Variants in CACNA1B observed in about 807,000 individuals in gnomAD.
CACNA1B encodes voltage-dependent N-type calcium channel subunit alpha-1B.
Under a neutral mutation model 247.2 loss-of-function variants are expected in CACNA1B, and 70 were observed. That is an observed-to-expected ratio of 0.28 (90% CI 0.23 to 0.35). The LOEUF is 0.35. CACNA1B is among the 10% of genes least tolerant of loss of function. The probability of loss-of-function intolerance (pLI) is 1.00; values close to 1 mark genes in which losing one functional copy is unlikely to be tolerated. For synonymous variants in CACNA1B, 1,231 were observed against 1,294.4 expected (o/e 0.95, Z 1.05); for missense variants, 2,367 against 3,197.4 (o/e 0.74, Z 6.26).
chr9:137,935,536 C>T (rs888759868), intron 6 of CACNA1B, among the ~76,000 whole-genome samples: 23 of 152,292 alleles, frequency 1.5e-4, no homozygotes, highest in African/African-American at 5.3e-4. Context: ...TTAGTCTTTG[C>T]TATTGTGAAT....
At position 138,064,885 on chromosome 9, in the gene CACNA1B, G is replaced by A. The variant is rs748621296; in HGVS notation, c.4669-4873G>A. Among the ~76,000 whole-genome samples the A allele has an allele frequency of 3.9e-5, 6 of 152,254 alleles. No homozygotes were observed. The East Asian group carries it at 1.2e-3, about 29-fold the overall frequency. ...AAGAGAACCACCAGTGGCCTTGTGC[G>A]TGATGCCAGTGCCCTCCTCCCAAAA... On this transcript the variant is annotated intron_variant, in intron 31 of 46. Coordinates refer to ENST00000371372, the MANE Select transcript of CACNA1B (RefSeq NM_000718.4).
At chr9:138,093,841 T>C (rs1190445119) in intron 36 of CACNA1B, among the ~76,000 whole-genome samples, 1 of 152,172 alleles carries the variant, frequency 6.6e-6, no homozygotes, top group Non-Finnish European at 1.5e-5. Flanking sequence ...TGTAAAATGG[T>C]GGTGTGGAAA....
At chr9:138,096,743 T>G in intron 37 of CACNA1B, 132 bp downstream of exon 37, 1 of 778,162 alleles carries the variant, frequency 1.3e-6, no homozygotes. Flanking sequence ...TAGGGATCTG[T>G]CCTGTTTCGT....
chr9:137,977,701 G>C (rs1473198565), intron 12 of CACNA1B, among the ~76,000 whole-genome samples: 1 of 152,148 alleles, frequency 6.6e-6, no homozygotes, highest in Admixed American at 6.5e-5. Flanking sequence ...GGGAATGATG[G>C]GTGGGCACGC....
In CACNA1B at chr9:137,990,267, C is replaced by T. The variant is rs1958416853; in HGVS notation, c.1974+3413C>T. 6.6e-6 allele frequency among the ~76,000 whole-genome samples: 1 copy of T among 152,000 alleles called. No homozygotes were observed. The highest frequency in any genetic ancestry group is 6.5e-5 in the Admixed American group (1 of 15,272). ...GAACATAACTCCATTGGACTGAGAACCACACACCCATCCCCCACAGCAGCC... is the reference window on the plus strand; with the variant it reads ...GAACATAACTCCATTGGACTGAGAATCACACACCCATCCCCCACAGCAGCC... On this transcript the variant is annotated intron_variant, in intron 15 of 46. Transcript: ENST00000371372. This position sits in a 1 kb window ranked among gnomAD's most constrained non-coding sequence, Gnocchi z 4.5.
rs575912158 is a variant in CACNA1B, at chr9:137,986,921, G to A, written c.1974+67G>A. On this transcript the variant is annotated intron_variant, in intron 15 of 46. Coordinates refer to ENST00000371372, the MANE Select transcript of CACNA1B (RefSeq NM_000718.4). This position sits in a 1 kb window ranked among gnomAD's most constrained non-coding sequence, Gnocchi z 6.0. ...CGTCTCCCCTGGGTGCTGGGAAGGC[G>A]GACTCTCCTGTCATTCCCTCCCTTG... The A allele has an allele frequency of 3.2e-5, 37 of 1,145,172 alleles. No individual in the cohort carries two copies. The highest frequency in any genetic ancestry group is 2.0e-4 in the Middle Eastern group (1 of 5,046). 70.9% of individuals were successfully genotyped at this position (1,145,172 alleles called of 1,614,324 possible). A position where few individuals can be genotyped will look rare whatever the true frequency, so the allele number is the denominator to read the frequency against.
intron 37 of CACNA1B, among the ~76,000 whole-genome samples, chr9:138,099,824 C>G (rs1961194091): frequency 6.6e-6 from 1 of 152,246 alleles, no homozygotes; most frequent in East Asian, 1.9e-4. Context: ...ATTGTTGTTG[C>G]TTCAACCCTG....
In CACNA1B at chr9:137,899,534, CCTGTCCTTGCTTTGG is replaced by C. The variant is rs1957208554; in HGVS notation, c.531-13645_531-13631del. Among the ~76,000 whole-genome samples the C allele has an allele frequency of 6.6e-6, 1 of 152,212 alleles. No homozygotes were observed. The highest frequency in any genetic ancestry group is 2.4e-5 in the African/African-American group (1 of 41,464). On this transcript the variant is annotated intron_variant, in intron 3 of 46. Transcript: ENST00000371372. The surrounding 1 kb of genome is among the most constrained non-coding windows in gnomAD (Gnocchi z 5.0). The stretch of plus-strand genomic sequence containing the variant: ...ATGCCATGCCTAGCTCTTCTTCTCC[CCTGTCCTTGCTTTGG>C]AGCAGGCTAGGTGGCTCCCACTTCT...
At chr9:138,053,750 T>C (rs907218360) in intron 25 of CACNA1B, 96 bp from the exon 26 acceptor site, 2 of 822,244 alleles carry the variant, frequency 2.4e-6, no homozygotes, top group South Asian at 1.7e-5. Context: ...TCATCGTGGC[T>C]CCACCCCTCC....
chr9:137,940,083 C>A (rs543980835), intron 6 of CACNA1B, among the ~76,000 whole-genome samples: 1 of 151,730 alleles, frequency 6.6e-6, no homozygotes, highest in African/African-American at 2.4e-5. Context: ...CAGAGCAGAA[C>A]TAAATGAAAC....
chr9:138,052,101 A>G lies in CACNA1B; in HGVS notation c.3720A>G (p.Lys1240=). 6.2e-7 allele frequency: 1 copy of G among 1,604,518 alleles called. No homozygotes were observed. Among genetic ancestry groups the G allele is most frequent in the Non-Finnish European group, 8.5e-7 (1 of 1,171,818 alleles). Reference sequence around the variant, plus strand: ...GGCTTCTCCCTTCTAGAGGATCCAAAGGGAAAGACATCAATACCATCAAGT... The same window carrying G: ...GGCTTCTCCCTTCTAGAGGATCCAAGGGGAAAGACATCAATACCATCAAGT... ...ALVAFAFSGS[K]GKDINTIKSL... Residue 1240 remains lysine, a synonymous_variant, in exon 25 of 47, where the codon AAA becomes AAG. Transcript: ENST00000371372. The surrounding 1 kb of genome is among the most constrained non-coding windows in gnomAD (Gnocchi z 5.1).
Position 137,957,735 on chromosome 9 carries a change from T to C in CACNA1B, c.1333+48T>C, listed in dbSNP as rs763476632. Reference sequence around the variant, plus strand: ...AGCTCTGCCAGGCTTGAGCTGGACATGGAGTGCATGCTCCGCTTCCCCTGC... The same window carrying C: ...AGCTCTGCCAGGCTTGAGCTGGACACGGAGTGCATGCTCCGCTTCCCCTGC... On this transcript the variant is annotated intron_variant, in intron 10 of 46. Coordinates refer to ENST00000371372, the MANE Select transcript of CACNA1B (RefSeq NM_000718.4). This position sits in a 1 kb window ranked among gnomAD's most constrained non-coding sequence, Gnocchi z 4.7. 14 of 1,344,834 alleles carry C rather than the reference T, an allele frequency of 1.0e-5. No homozygotes were observed. Among genetic ancestry groups the C allele is most frequent in the African/African-American group, 1.5e-5 (1 of 68,172 alleles). The allele number at this position is 1,344,834 out of a possible 1,614,324, so 83.3% of individuals were successfully genotyped here.
chr9:138,079,550 C>T (rs1438241601), intron 36 of CACNA1B, among the ~76,000 whole-genome samples: 1 of 152,060 alleles, frequency 6.6e-6, no homozygotes. Context: ...CAAGACCAGC[C>T]TGGCCAACGT....
chr9:138,121,809 C>T lies in CACNA1B; in HGVS notation c.6830C>T (p.Thr2277Ile), dbSNP rs760115118. 207 of 1,613,060 alleles carry T rather than the reference C, an allele frequency of 1.3e-4. No individual in the cohort carries two copies. The highest frequency in any genetic ancestry group is 2.5e-4 in the Admixed American group (15 of 60,008). The change falls in exon 47 of 47, where the codon ACT becomes ATT. Residue 2277 changes from threonine (T) to isoleucine (I), a missense_variant. Thr to Ile is a moderately conservative substitution (Grantham distance 89). Transcript: ENST00000371372. This position sits in a 1 kb window ranked among gnomAD's most constrained non-coding sequence, Gnocchi z 6.8. The stretch of plus-strand genomic sequence containing the variant: ...TCTGTCCACGCCCTGCCTGAGGACA[C>T]TCTCACTTTCGAGGAGGCTGTGGCC... ...EASVHALPED[T>I]LTFEEAVATN...
intron 39 of CACNA1B, among the ~76,000 whole-genome samples, chr9:138,109,843 G>T (rs535873958): frequency 6.6e-6 from 1 of 152,200 alleles, no homozygotes; most frequent in Non-Finnish European, 1.5e-5. Context: ...GGCCAAAGCA[G>T]GCGGATTACC....
At chr9:137,960,186 T>C (rs972501504) in intron 10 of CACNA1B, among the ~76,000 whole-genome samples, 3 of 12,822 alleles carry the variant, frequency 2.3e-4, no homozygotes, top group African/African-American at 6.3e-4. Context: ...GAGGGAAAGT[T>C]GGCCTGAGTG....
chr9:137,955,913 T>A lies in CACNA1B; in HGVS notation c.1186+100T>A. On this transcript the variant is annotated intron_variant, in intron 8 of 46. Transcript: ENST00000371372. This position sits in a 1 kb window ranked among gnomAD's most constrained non-coding sequence, Gnocchi z 6.9. ...CAGCTGGGGTGCCCTGGCTGCTGGGTAGAGCCTGAAGGGATTTTGTAGTGA... is the reference window on the plus strand; with the variant it reads ...CAGCTGGGGTGCCCTGGCTGCTGGGAAGAGCCTGAAGGGATTTTGTAGTGA... 3 of 799,166 alleles carry A rather than the reference T, an allele frequency of 3.8e-6. No individual in the cohort carries two copies. Among genetic ancestry groups the A allele is most frequent in the Non-Finnish European group, 6.4e-6 (3 of 470,242 alleles). 49.5% of individuals were successfully genotyped at this position (799,166 alleles called of 1,614,324 possible). A position where few individuals can be genotyped will look rare whatever the true frequency, so the allele number is the denominator to read the frequency against.
chr9:138,101,990 G>C (rs1166454990), intron 37 of CACNA1B, among the ~76,000 whole-genome samples: 1 of 152,166 alleles, frequency 6.6e-6, no homozygotes. Flanking sequence ...GTGCAAGGTG[G>C]CCCCAGGCCA....
chr9:138,069,611 C>T, intron 31 of CACNA1B, 147 bp from the exon 32 acceptor site: 1 of 658,126 alleles, frequency 1.5e-6, no homozygotes, highest in Non-Finnish European at 2.8e-6. Context: ...TCTTGATTTA[C>T]CTTAACCTAC....
Sources: allele counts gnomAD v4.1 joint callset (sites outside exome capture counted in the v4.1 genomes callset), GRCh38; gene constraint gnomAD v4.1.1; non-coding constraint Gnocchi (gnomAD v3.1); transcripts MANE v1.5; gene names NCBI Gene and HGNC (gene_info 2026-07-23, HGNC 2026-07-21).